ULK4: variants seen among roughly 807,000 people sequenced by gnomAD.
ULK4 encodes the protein inactive serine/threonine-protein kinase ULK4.
In ULK4, 133 loss-of-function variants were observed where a neutral mutation model predicts 160.6. That is an observed-to-expected ratio of 0.83 (90% CI 0.72 to 0.96). The LOEUF (loss-of-function observed/expected upper bound fraction) is 0.96. Among genes scored for constraint, ULK4 ranks in the 40% least tolerant of loss-of-function variants. The pLI, the probability that ULK4 is intolerant of heterozygous loss-of-function variation, is 0.00. For missense variants in ULK4, 1,580 were observed against 1,499.5 expected (o/e 1.05, Z -0.89); for synonymous variants, 534 against 539.8 (o/e 0.99, Z 0.15).
chr3:41,293,143 T>A (rs1157933925), intron 35 of ULK4, among the ~76,000 whole-genome samples: 1 of 151,678 alleles, frequency 6.6e-6, no homozygotes, highest in African/African-American at 2.4e-5. Context: ...ACCTAAAGAA[T>A]ATAAATAAGG....
rs181666373 is a variant in ULK4 at position 41,749,990 on chromosome 3, A to G, written c.2321+4371T>C. ...AACCCCAGCCAAATACCAGCAAGAA[A>G]GTGAGGATGTCAGTCCAAAGACTGC... On this transcript the variant is annotated intron_variant, in intron 22 of 36. Transcript: ENST00000301831. Among the ~76,000 whole-genome samples, 106 of 152,316 alleles carry G rather than the reference A, an allele frequency of 7.0e-4. No homozygotes were observed. In the South Asian group the frequency reaches 0.013, roughly 18 times the overall value.
intron 12 of ULK4, 147 bp downstream of exon 12, chr3:41,907,698 G>C (rs1698620891): frequency 2.3e-6 from 1 of 435,532 alleles, no homozygotes; most frequent in African/African-American, 2.1e-5. Context: ...CTCTCTCAGA[G>C]TACTTACAAG....
At chr3:41,903,292 C>A (rs980813565) in intron 12 of ULK4, among the ~76,000 whole-genome samples, 1 of 152,022 alleles carries the variant, frequency 6.6e-6, no homozygotes, top group Non-Finnish European at 1.5e-5. Context: ...TTAGAAATAA[C>A]GTAAGAATTA....
chr3:41,884,629 G>C (rs1450421904), intron 16 of ULK4, among the ~76,000 whole-genome samples: 1 of 152,160 alleles, frequency 6.6e-6, no homozygotes, highest in Non-Finnish European at 1.5e-5. Context: ...ATTTAGTGAT[G>C]TCTGCATGTT....
At chr3:41,491,678 AG>A (rs1276967844) in intron 32 of ULK4, among the ~76,000 whole-genome samples, 4 of 117,266 alleles carry the variant, frequency 3.4e-5, no homozygotes, top group African/African-American at 1.3e-4. Flanking sequence ...TAAAATTAAT[AG>A]GAAAAAAAAG....
chr3:41,809,718 A>G (rs9869446), intron 19 of ULK4, among the ~76,000 whole-genome samples: 132,611 of 152,162 alleles, frequency 0.87, 58,212 homozygotes, highest in African/African-American at 0.97. Context: ...TAAATTAATA[A>G]CCTTTACTTT....
At chr3:41,615,519 G>T in intron 31 of ULK4, 150 bp downstream of exon 31, 1 of 636,608 alleles carries the variant, frequency 1.6e-6, no homozygotes, top group Non-Finnish European at 2.7e-6. Flanking sequence ...AGATAAGAAA[G>T]CTGAAGTCCA....
At chr3:41,550,262 A>T (rs1408353033) in intron 32 of ULK4, among the ~76,000 whole-genome samples, 1 of 152,060 alleles carries the variant, frequency 6.6e-6, no homozygotes, top group Admixed American at 6.5e-5. Flanking sequence ...AGATAAATTA[A>T]AAAATGACTG....
intron 2 of ULK4, among the ~76,000 whole-genome samples, chr3:41,954,210 A>C (rs898126408): frequency 6.6e-6 from 1 of 151,316 alleles, no homozygotes; most frequent in Non-Finnish European, 1.5e-5. Context: ...AATACAAAAA[A>C]TTAGCCAGGC....
At chr3:41,673,556 A>G (rs535992552) in intron 29 of ULK4, among the ~76,000 whole-genome samples, 3 of 152,300 alleles carry the variant, frequency 2.0e-5, no homozygotes, top group East Asian at 1.9e-4. Context: ...AAGAATTACA[A>G]AAAAGAAGGG....
chr3:41,546,428 C>T (rs2086865882), intron 32 of ULK4, among the ~76,000 whole-genome samples: 1 of 152,104 alleles, frequency 6.6e-6, no homozygotes, highest in South Asian at 2.1e-4. Flanking sequence ...TACTCAGGTG[C>T]ATAGCAAGGA....
intron 35 of ULK4, among the ~76,000 whole-genome samples, chr3:41,259,116 G>GTA (rs10567326): frequency 0.019 from 2,775 of 147,956 alleles, 29 homozygotes; most frequent in Middle Eastern, 0.058. Context: ...GTATATATGT[G>GTA]TATATATATA....
intron 35 of ULK4, among the ~76,000 whole-genome samples, chr3:41,354,981 G>A (rs2080999723): frequency 6.6e-6 from 1 of 152,256 alleles, no homozygotes; most frequent in South Asian, 2.1e-4. Flanking sequence ...GCGCTGCGAG[G>A]TTCCTGTTCA....
At chr3:41,622,323 T>A (rs2033285349) in intron 30 of ULK4, among the ~76,000 whole-genome samples, 1 of 152,122 alleles carries the variant, frequency 6.6e-6, no homozygotes, top group African/African-American at 2.4e-5. Flanking sequence ...CAGCACTATT[T>A]ACAATAGTAA....
chr3:41,781,742 C>T (rs977562927), intron 21 of ULK4, among the ~76,000 whole-genome samples: 2 of 152,166 alleles, frequency 1.3e-5, no homozygotes, highest in Non-Finnish European at 2.9e-5. Flanking sequence ...AGTTCGAGAC[C>T]AGCCTGGCCA....
chr3:41,310,395 G>A (rs2080026434), intron 35 of ULK4, among the ~76,000 whole-genome samples: 1 of 152,110 alleles, frequency 6.6e-6, no homozygotes, highest in South Asian at 2.1e-4. Context: ...CAATAAAAGA[G>A]GAAATAAAGG....
chr3:41,630,051 T>C (rs2033682947), intron 30 of ULK4, among the ~76,000 whole-genome samples: 1 of 152,168 alleles, frequency 6.6e-6, no homozygotes, highest in Non-Finnish European at 1.5e-5. Context: ...GACCTGTTAA[T>C]AGGCCACTAC....
chr3:41,864,824 C>A (rs1057219276), intron 17 of ULK4, among the ~76,000 whole-genome samples: 3 of 152,100 alleles, frequency 2.0e-5, no homozygotes, highest in Non-Finnish European at 4.4e-5. Context: ...AGACCAATTA[C>A]CCTAGGTCAT....
intron 35 of ULK4, among the ~76,000 whole-genome samples, chr3:41,279,523 T>G (rs1016632505): frequency 4.0e-5 from 6 of 151,370 alleles, no homozygotes; most frequent in African/African-American, 1.5e-4. Flanking sequence ...TGCACCAAGG[T>G]TGAAATGAAG....
Sources: gnomAD v4.1 joint callset for allele counts (sites outside exome capture counted in the v4.1 genomes callset) on GRCh38, gnomAD v4.1.1 for gene constraint, MANE v1.5 for transcripts, NCBI Gene and HGNC (gene_info 2026-07-23, HGNC 2026-07-21) for gene names.